Variants in RPS6KA2 observed in about 807,000 individuals in gnomAD.
RPS6KA2 encodes ribosomal protein S6 kinase alpha-2.
In RPS6KA2, 42 loss-of-function variants were observed where a neutral mutation model predicts 91.8. The ratio of observed to expected loss-of-function variants is 0.46; its 90% confidence interval spans 0.36 to 0.59. The LOEUF (loss-of-function observed/expected upper bound fraction) is 0.59. Ranked by LOEUF, RPS6KA2 falls within the 20% of genes least tolerant of loss-of-function variation. The pLI is 0.00. For synonymous variants in RPS6KA2, 414 were observed against 393.6 expected (o/e 1.05, Z -0.61); for missense variants, 798 against 978.5 (o/e 0.82, Z 2.46).
intron 12 of RPS6KA2, among the ~76,000 whole-genome samples, chr6:166,456,073 G>C (rs888491365): frequency 6.6e-6 from 1 of 152,208 alleles, no homozygotes; most frequent in Non-Finnish European, 1.5e-5. Flanking sequence ...TTGGTGAATG[G>C]AAAATCTGTA....
rs1258635203 is a variant in RPS6KA2 at position 166,852,811 on chromosome 6, G to T, written c.123+5389C>A. ...GGGTCCCTCTGTGACCTCTCAGCTG[G>T]TGCTGTGTCTTCAGCACCCTCCTTG... On this transcript the variant is annotated intron_variant, in intron 2 of 21. Coordinates refer to the RPS6KA2 transcript ENST00000503859. The surrounding 1 kb of genome is among the most constrained non-coding windows in gnomAD (Gnocchi z 4.1). Among the ~76,000 whole-genome samples the T allele has an allele frequency of 6.6e-6, 1 of 152,078 alleles. No individual in the cohort carries two copies. The highest frequency in any genetic ancestry group is 2.4e-5 in the African/African-American group (1 of 41,404).
intron 1 of RPS6KA2, among the ~76,000 whole-genome samples, chr6:166,620,598 A>T (rs1786588827): frequency 6.6e-6 from 1 of 152,246 alleles, no homozygotes; most frequent in South Asian, 2.1e-4. Context: ...ACAGATGTGT[A>T]TTCAAAGGGG....
At chr6:166,707,191 G>A (rs1366634215) in intron 2 of RPS6KA2, among the ~76,000 whole-genome samples, 2 of 152,244 alleles carry the variant, frequency 1.3e-5, no homozygotes, top group Non-Finnish European at 2.9e-5. Flanking sequence ...ATAACCCTTT[G>A]TGCAATGCCG....
At chr6:166,712,379 G>T (rs2128580820) in intron 2 of RPS6KA2, among the ~76,000 whole-genome samples, 1 of 152,328 alleles carries the variant, frequency 6.6e-6, no homozygotes, top group East Asian at 1.9e-4. Context: ...AGTACAGATG[G>T]TTTTTTTCTT....
At chr6:166,713,246 G>A (rs954720862) in intron 2 of RPS6KA2, among the ~76,000 whole-genome samples, 25 of 152,196 alleles carry the variant, frequency 1.6e-4, no homozygotes, top group Admixed American at 6.5e-5. Flanking sequence ...TTGGATCTCC[G>A]GGTATCAGAA....
intron 14 of RPS6KA2, among the ~76,000 whole-genome samples, chr6:166,446,157 A>G (rs545655064): frequency 3.9e-5 from 6 of 152,362 alleles, no homozygotes; most frequent in African/African-American, 1.4e-4. Flanking sequence ...AGAAATGCCA[A>G]TTCGTCCATC....
In RPS6KA2 at chr6:166,648,184, G is replaced by GCTCA. The variant is rs571641244; in HGVS notation, c.124-109401_124-109400insTGAG. The stretch of plus-strand genomic sequence containing the variant: ...CCCATGCACACATGCTCACACACAT[G>GCTCA]CACACATGCTCATACACACACTCAT... On this transcript the variant is annotated intron_variant, in intron 2 of 21. Transcript: ENST00000503859. The surrounding 1 kb of genome is among the most constrained non-coding windows in gnomAD (Gnocchi z 4.8). Among the ~76,000 whole-genome samples the GCTCA allele has an allele frequency of 2.2e-5, 3 of 134,170 alleles. No homozygotes were observed. The highest frequency in any genetic ancestry group is 5.0e-4 in the South Asian group (2 of 4,032). 88.0% of individuals were successfully genotyped at this position (134,170 alleles called of 152,430 possible).
At chr6:166,461,984 A>G (rs1780326730) in intron 11 of RPS6KA2, among the ~76,000 whole-genome samples, 1 of 152,158 alleles carries the variant, frequency 6.6e-6, no homozygotes, top group South Asian at 2.1e-4. Context: ...TGGCTGCCAC[A>G]CCTGTGTGAC....
rs1436297946 is a variant in RPS6KA2, at chr6:166,410,735, C to G, written c.*2027G>C. ...CGGATGCTTTCCCTTTCACTTCCCC[C>G]ACTTCTCACTCCCTGCACCAGAACC... is the stretch of plus-strand genomic sequence containing the variant. On this transcript the variant is annotated 3_prime_UTR_variant, in exon 21 of 21. Transcript: ENST00000265678. The G allele has an allele frequency of 2.0e-5, 3 of 152,122 alleles. No homozygotes were observed. Among genetic ancestry groups the G allele is most frequent in the Non-Finnish European group, 4.4e-5 (3 of 68,038 alleles). 9.4% of individuals were successfully genotyped at this position (152,122 alleles called of 1,614,324 possible).
intron 1 of RPS6KA2, among the ~76,000 whole-genome samples, chr6:166,579,182 T>C (rs1784931200): frequency 6.6e-6 from 1 of 152,240 alleles, no homozygotes; most frequent in Non-Finnish European, 1.5e-5. Context: ...GTTTATGCTG[T>C]TTAGAAAACA....
intron 2 of RPS6KA2, among the ~76,000 whole-genome samples, chr6:166,649,828 C>T (rs1787792980): frequency 6.6e-6 from 1 of 152,172 alleles, no homozygotes; most frequent in Non-Finnish European, 1.5e-5. Flanking sequence ...GAGAACCTGG[C>T]ACGATTGTTT....
At position 166,665,274 on chromosome 6, in the gene RPS6KA2, A is replaced by G. The variant is rs2128559094; in HGVS notation, c.124-126490T>C. Among the ~76,000 whole-genome samples the G allele has an allele frequency of 6.6e-6, 1 of 152,290 alleles. No homozygotes were observed. Among genetic ancestry groups the G allele is most frequent in the East Asian group, 1.9e-4 (1 of 5,178 alleles). ...GTACACACACCATGGTGTGACTTACAGGAGCACCCCGAGGTGTATAAGAGT... is the reference window on the plus strand; with the variant it reads ...GTACACACACCATGGTGTGACTTACGGGAGCACCCCGAGGTGTATAAGAGT... On this transcript the variant is annotated intron_variant, in intron 2 of 21. Coordinates refer to the RPS6KA2 transcript ENST00000503859. This position sits in a 1 kb window ranked among gnomAD's most constrained non-coding sequence, Gnocchi z 4.5.
intron 1 of RPS6KA2, among the ~76,000 whole-genome samples, chr6:166,620,039 G>A (rs533736887): frequency 2.0e-5 from 3 of 152,332 alleles, no homozygotes; most frequent in Non-Finnish European, 4.4e-5. Flanking sequence ...TGGCCAAGAT[G>A]TCTTGGTGCA....
At chr6:166,742,877 C>T (rs1014425707) in intron 2 of RPS6KA2, among the ~76,000 whole-genome samples, 2 of 152,218 alleles carry the variant, frequency 1.3e-5, no homozygotes, top group Non-Finnish European at 2.9e-5. Context: ...CCCCATAGAA[C>T]GGGAGCGTTC....
intron 5 of RPS6KA2, among the ~76,000 whole-genome samples, chr6:166,506,053 C>T (rs1463103250): frequency 6.6e-6 from 1 of 152,194 alleles, no homozygotes; most frequent in Non-Finnish European, 1.5e-5. Flanking sequence ...TGCAGGTTCA[C>T]CGGCACAGCG....
At chr6:166,861,272 T>G (rs767566606) in intron 1 of RPS6KA2, among the ~76,000 whole-genome samples, 27 of 152,234 alleles carry the variant, frequency 1.8e-4, no homozygotes, top group Non-Finnish European at 2.9e-5. Context: ...AAAAATTAAA[T>G]TGGACTTTGA....
At chr6:166,646,569 T>C (rs1183247871) in intron 2 of RPS6KA2, among the ~76,000 whole-genome samples, 2 of 152,240 alleles carry the variant, frequency 1.3e-5, no homozygotes, top group Non-Finnish European at 2.9e-5. Context: ...CCGCATGCCT[T>C]GGCTGGGGCC....
At chr6:166,527,628 T>G (rs1013704685) in intron 3 of RPS6KA2, among the ~76,000 whole-genome samples, 7 of 152,218 alleles carry the variant, frequency 4.6e-5, no homozygotes, top group Non-Finnish European at 1.0e-4. Flanking sequence ...TTTAGGATAT[T>G]CACAGAGTTG....
intron 2 of RPS6KA2, among the ~76,000 whole-genome samples, chr6:166,839,497 G>A (rs982122328): frequency 7.9e-5 from 12 of 151,074 alleles, no homozygotes; most frequent in African/African-American, 2.4e-4. Flanking sequence ...GGGGAATTGA[G>A]CCTTACCATA....
Sources: gnomAD v4.1 joint callset for allele counts (sites outside exome capture counted in the v4.1 genomes callset) on GRCh38, gnomAD v4.1.1 for gene constraint, Gnocchi (gnomAD v3.1) non-coding constraint, MANE v1.5 for transcripts, NCBI Gene and HGNC (gene_info 2026-07-23, HGNC 2026-07-21) for gene names.